Variants in PANK4 observed in about 807,000 individuals in gnomAD.
PANK4 encodes pantothenate kinase 4 (inactive).
A neutral mutation model predicts 87.9 loss-of-function variants in PANK4; 40 were observed. The ratio of observed to expected loss-of-function variants is 0.46; its 90% CI spans 0.35 to 0.59. PANK4 has a LOEUF of 0.59. PANK4 is among the 20% of genes least tolerant of loss of function. PANK4 has a pLI of 0.00. For missense variants in PANK4, 926 were observed against 1,072.3 expected, an observed-to-expected ratio of 0.86 and a Z score of 1.90; for synonymous variants, 524 against 467.4, an observed-to-expected ratio of 1.12 and a Z score of -1.56.
At position 2,520,511 on chromosome 1, in the gene PANK4, C is replaced by T; in HGVS notation, c.607-97G>A. On this transcript the variant is annotated intron_variant, in intron 4 of 18. Coordinates refer to ENST00000378466, the MANE Select transcript of PANK4 (RefSeq NM_018216.4). This position sits in a 1 kb window ranked among gnomAD's most constrained non-coding sequence, Gnocchi z 6.2. Reference sequence around the variant, plus strand: ...ATGTGCTGCGCTGGGGTGAACCCCGCCCCCACCCCAACCGCCAGTGGGAGG... The same window carrying T: ...ATGTGCTGCGCTGGGGTGAACCCCGTCCCCACCCCAACCGCCAGTGGGAGG... 1 of 932,766 alleles carries T rather than the reference C, an allele frequency of 1.1e-6. No individual in the cohort carries two copies. Among genetic ancestry groups the T allele is most frequent in the Non-Finnish European group, 1.5e-6 (1 of 649,384 alleles). 57.8% of individuals were successfully genotyped at this position (932,766 alleles called of 1,614,324 possible).
In PANK4 at chr1:2,509,486, A is replaced by AT. The variant is rs1001495125; in HGVS notation, c.2108+375dup. Among the ~76,000 whole-genome samples, 8 of 152,084 alleles carry AT rather than the reference A, an allele frequency of 5.3e-5. No individual in the cohort carries two copies. The highest frequency in any genetic ancestry group is 7.4e-5 in the Non-Finnish European group (5 of 68,012). ...AGGAGGACAGACAGCACCACATACA[A>AT]TTGACTAATGACCTCCAGAACCACA... On this transcript the variant is annotated intron_variant, in intron 18 of 18. Transcript: ENST00000378466. This position sits in a 1 kb window ranked among gnomAD's most constrained non-coding sequence, Gnocchi z 4.9.
At position 2,520,664 on chromosome 1, in the gene PANK4, A is replaced by G. The variant is rs1019035939; in HGVS notation, c.606+59T>C. The G allele has an allele frequency of 1.7e-5, 26 of 1,516,546 alleles. No homozygotes were observed. The African/African-American group carries it at 2.3e-4, about 14-fold the overall frequency. 93.9% of individuals were successfully genotyped at this position (1,516,546 alleles called of 1,614,324 possible). A position where few individuals can be genotyped will look rare whatever the true frequency, so the allele number is the denominator to read the frequency against. On this transcript the variant is annotated intron_variant, in intron 4 of 18. Coordinates refer to ENST00000378466, the MANE Select transcript of PANK4 (RefSeq NM_018216.4). The surrounding 1 kb of genome is among the most constrained non-coding windows in gnomAD (Gnocchi z 6.2). ...CCAGCCCTGGCTCCTGCACACAGCGAGGGCTTAACAAACTATGGCTAAACC... is the reference window on the plus strand; with the variant it reads ...CCAGCCCTGGCTCCTGCACACAGCGGGGGCTTAACAAACTATGGCTAAACC...
At chr1:2,511,239 G>A in intron 15 of PANK4, 99 bp downstream of exon 15, 1 of 791,604 alleles carries the variant, frequency 1.3e-6, no homozygotes, top group Non-Finnish European at 2.2e-6. Context: ...CAGGAGGGGA[G>A]GGCCACCCGA....
chr1:2,522,373 G>A (rs4648644), intron 1 of PANK4, among the ~76,000 whole-genome samples: 46,738 of 152,042 alleles, frequency 0.31, 8,217 homozygotes, highest in African/African-American at 0.47. Flanking sequence ...AAAGTAGCCA[G>A]AAGTCAGAGG....
intron 1 of PANK4, among the ~76,000 whole-genome samples, chr1:2,522,250 C>T (rs1643881269): frequency 6.6e-6 from 1 of 152,224 alleles, no homozygotes; most frequent in South Asian, 2.1e-4. Context: ...GGAGGCTCTC[C>T]TCACAGCCCA....
Position 2,508,813 on chromosome 1 carries a change from G to A in PANK4, c.*34C>T, listed in dbSNP as rs777937450. On this transcript the variant is annotated 3_prime_UTR_variant, in exon 19 of 19. Transcript: ENST00000378466. The surrounding 1 kb of genome is among the most constrained non-coding windows in gnomAD (Gnocchi z 5.1). The stretch of plus-strand genomic sequence containing the variant: ...GGTGGTAAAAACACATTCCTGACAA[G>A]TGACAAGCAGAAGAGTCCGGCAGCT... 9.3e-6 allele frequency: 12 copies of A among 1,284,254 alleles called. No individual in the cohort carries two copies. The highest frequency in any genetic ancestry group is 1.3e-5 in the Non-Finnish European group (12 of 896,456). The allele number at this position is 1,284,254 out of a possible 1,614,324, so 79.6% of individuals were successfully genotyped here. A position where few individuals can be genotyped will look rare whatever the true frequency, so the allele number is the denominator to read the frequency against.
rs1020993543 is a variant in PANK4 at position 2,513,625 on chromosome 1, C to T, written c.1575+377G>A. 2.0e-5 allele frequency among the ~76,000 whole-genome samples: 3 copies of T among 152,346 alleles called. No homozygotes were observed. The East Asian group carries it at 5.8e-4, about 29-fold the overall frequency. On this transcript the variant is annotated intron_variant, in intron 12 of 18. Transcript: ENST00000378466. The stretch of plus-strand genomic sequence containing the variant: ...AGGGTGGTCCAGGGTTCCAGCCCCT[C>T]CCCATGAGGGGAAAGCAGTCCCCAA...
At position 2,509,206 on chromosome 1, in the gene PANK4, G is replaced by A; in HGVS notation, c.2109-146C>T. Reference sequence around the variant, plus strand: ...CTCCAAACCCAGCCTCCGCCTGGTAGCTGCCTCAGCCTGGGGCTTCCTCAG... The same window carrying A: ...CTCCAAACCCAGCCTCCGCCTGGTAACTGCCTCAGCCTGGGGCTTCCTCAG... On this transcript the variant is annotated intron_variant, in intron 18 of 18. Coordinates refer to ENST00000378466, the MANE Select transcript of PANK4 (RefSeq NM_018216.4). This position sits in a 1 kb window ranked among gnomAD's most constrained non-coding sequence, Gnocchi z 4.9. 1.6e-6 allele frequency: 1 copy of A among 644,394 alleles called. No homozygotes were observed. The highest frequency in any genetic ancestry group is 2.7e-6 in the Non-Finnish European group (1 of 374,250). The allele number at this position is 644,394 out of a possible 1,614,324, so 39.9% of individuals were successfully genotyped here. A position where few individuals can be genotyped will look rare whatever the true frequency, so the allele number is the denominator to read the frequency against.
chr1:2,519,101 G>C lies in PANK4; in HGVS notation c.1035+42C>G, dbSNP rs1301047939. 9.6e-6 allele frequency: 15 copies of C among 1,566,102 alleles called. No homozygotes were observed. The highest frequency in any genetic ancestry group is 1.2e-5 in the Non-Finnish European group (14 of 1,144,436). On this transcript the variant is annotated intron_variant, in intron 7 of 18. Coordinates refer to ENST00000378466, the MANE Select transcript of PANK4 (RefSeq NM_018216.4). This position sits in a 1 kb window ranked among gnomAD's most constrained non-coding sequence, Gnocchi z 8.3. ...GCATGACTGATTGGGAAGATCCTGG[G>C]GGGTCTGCGTTAGAGGCTGGGGAGG...
intron 1 of PANK4, 104 bp from the exon 2 acceptor site, chr1:2,521,904 G>A: frequency 1.2e-6 from 1 of 862,232 alleles, no homozygotes; most frequent in Non-Finnish European, 2.0e-6. Flanking sequence ...TAAAGTCTCT[G>A]TAGATGAGGG....
intron 1 of PANK4, among the ~76,000 whole-genome samples, chr1:2,524,423 C>T (rs12131236): frequency 0.014 from 2,203 of 152,308 alleles, 27 homozygotes; most frequent in Middle Eastern, 0.031. Context: ...TCAGGAGTAA[C>T]AAACAAAAGG....
intron 9 of PANK4, among the ~76,000 whole-genome samples, chr1:2,517,851 C>A (rs1475158563): frequency 6.6e-6 from 1 of 152,222 alleles, no homozygotes; most frequent in African/African-American, 2.4e-5. Context: ...GGCCTTCTGG[C>A]GTGGGGAGAG....
Position 2,515,143 on chromosome 1 carries a change from G to A in PANK4, c.1374+419C>T, listed in dbSNP as rs1643744255. The A allele has an allele frequency of 2.7e-6, 1 of 374,332 alleles. No individual in the cohort carries two copies. The highest frequency in any genetic ancestry group is 5.3e-6 in the Non-Finnish European group (1 of 188,890). The allele number at this position is 374,332 out of a possible 1,614,324, so 23.2% of individuals were successfully genotyped here. On this transcript the variant is annotated intron_variant, in intron 10 of 18. Coordinates refer to ENST00000378466, the MANE Select transcript of PANK4 (RefSeq NM_018216.4). The surrounding 1 kb of genome is among the most constrained non-coding windows in gnomAD (Gnocchi z 5.0). ...TGCTCCACGGGACCAGCCCAGCCTT[G>A]GAGAAGGTGGGACGCAGGAGTCCCA...
At chr1:2,513,520 G>C (rs895446913) in intron 12 of PANK4, among the ~76,000 whole-genome samples, 1 of 152,242 alleles carries the variant, frequency 6.6e-6, no homozygotes, top group African/African-American at 2.4e-5. Flanking sequence ...CGGACGCCCG[G>C]AAAGGCCCAC....
At chr1:2,513,276 G>A (rs920021562) in intron 12 of PANK4, among the ~76,000 whole-genome samples, 2 of 152,258 alleles carry the variant, frequency 1.3e-5, no homozygotes, top group African/African-American at 2.4e-5. Context: ...AGCAGTGGGT[G>A]AAGGGCAGGA....
chr1:2,516,461 C>T (rs1465593903), intron 9 of PANK4, among the ~76,000 whole-genome samples: 1 of 152,202 alleles, frequency 6.6e-6, no homozygotes, highest in African/African-American at 2.4e-5. Flanking sequence ...CAGTACTCGG[C>T]TCTCTGCACG....
Position 2,520,612 on chromosome 1 carries a change from C to A in PANK4, c.606+111G>T. ...GAGCTCACAGCCTCGCCACCCCCCTCCCGCCCACTGGGCCCCATCCATGTG... is the reference window on the plus strand; with the variant it reads ...GAGCTCACAGCCTCGCCACCCCCCTACCGCCCACTGGGCCCCATCCATGTG... On this transcript the variant is annotated intron_variant, in intron 4 of 18. Transcript: ENST00000378466. This position sits in a 1 kb window ranked among gnomAD's most constrained non-coding sequence, Gnocchi z 6.2. 8.6e-7 allele frequency: 1 copy of A among 1,166,540 alleles called. No homozygotes were observed. The highest frequency in any genetic ancestry group is 2.0e-5 in the Admixed American group (1 of 50,752). 72.3% of individuals were successfully genotyped at this position (1,166,540 alleles called of 1,614,324 possible).
chr1:2,523,339 AT>A (rs1643893953), intron 1 of PANK4, among the ~76,000 whole-genome samples: 1 of 152,098 alleles, frequency 6.6e-6, no homozygotes, highest in African/African-American at 2.4e-5. Flanking sequence ...AAGCCTCCTT[AT>A]CCCCTCCCCT....
At chr1:2,526,312 T>A (rs1291377244) in intron 1 of PANK4, 152 bp downstream of exon 1, 1 of 256,472 alleles carries the variant, frequency 3.9e-6, no homozygotes, top group Admixed American at 6.5e-5. Flanking sequence ...CCCGTGAGGC[T>A]GTGCGCGGGC....
Sources: allele counts gnomAD v4.1 joint callset (sites outside exome capture counted in the v4.1 genomes callset), GRCh38; gene constraint gnomAD v4.1.1; non-coding constraint Gnocchi (gnomAD v3.1); transcripts MANE v1.5; gene names NCBI Gene and HGNC (gene_info 2026-07-23, HGNC 2026-07-21).